The following DYNC1H1 variants were observed in gnomAD, a reference collection of about 807,000 sequenced individuals.
DYNC1H1 encodes dynein cytoplasmic 1 heavy chain 1.
Under a neutral mutation model 527.1 loss-of-function variants are expected in DYNC1H1, and 51 were observed. The ratio of observed to expected loss-of-function variants is 0.10; its 90% CI spans 0.08 to 0.12. The LOEUF (loss-of-function observed/expected upper bound fraction) is 0.12. Among genes scored for constraint, DYNC1H1 ranks in the 10% least tolerant of loss-of-function variants. DYNC1H1 has a pLI of 1.00. For missense variants in DYNC1H1, 2,771 were observed against 5,971.8 expected (o/e 0.46, Z 17.66); for synonymous variants, 2,189 against 2,278.8 (o/e 0.96, Z 1.12).
At chr14:102,034,722 G>C in intron 56 of DYNC1H1, 1 of 551,834 alleles carries the variant, frequency 1.8e-6, no homozygotes, top group South Asian at 2.0e-5. Context: ...TCAGGAGTTT[G>C]AGACCAGCCT....
At chr14:102,003,266 C>CTTTT (rs71468380) in intron 23 of DYNC1H1, among the ~76,000 whole-genome samples, 2 of 141,348 alleles carry the variant, frequency 1.4e-5, no homozygotes, top group Admixed American at 7.1e-5. Flanking sequence ...TGGCAGTTTT[C>CTTTT]TTTTTTTTTT....
At position 102,032,475 on chromosome 14, in the gene DYNC1H1, A is replaced by G. The variant is rs760281619; in HGVS notation, c.10079+8A>G. 6.2e-7 allele frequency: 1 copy of G among 1,614,064 alleles called. No individual in the cohort carries two copies. The highest frequency in any genetic ancestry group is 1.1e-5 in the South Asian group (1 of 91,090). On this transcript the variant is annotated splice_region_variant and intron_variant, in intron 52 of 77. Coordinates refer to ENST00000360184, the MANE Select transcript of DYNC1H1 (RefSeq NM_001376.5). ...CTCTGCAGAGGAGATCAGGTGAGAAAGTGGAAGTGCCAAGGTATTGCCAGA... is the reference window on the plus strand; with the variant it reads ...CTCTGCAGAGGAGATCAGGTGAGAAGGTGGAAGTGCCAAGGTATTGCCAGA...
At chr14:102,050,296 G>A (rs2048790144) in intron 77 of DYNC1H1, 98 bp downstream of exon 77, 16 of 1,610,564 alleles carry the variant, frequency 9.9e-6, no homozygotes, top group South Asian at 4.4e-5. Flanking sequence ...CACTTGGAAC[G>A]GGAAATGAGG....
Position 101,986,612 on chromosome 14 carries a change from A to C in DYNC1H1, c.2387A>C (p.Glu796Ala). ...RTYERTCEKV[E>A]ERNTISLLVA... Reference sequence around the variant, plus strand: ...TATGAACGGACCTGCGAGAAGGTGGAGGAGCGGAACACCATTTCCCTTTTG... The same window carrying C: ...TATGAACGGACCTGCGAGAAGGTGGCGGAGCGGAACACCATTTCCCTTTTG... Residue 796 changes from glutamate to alanine, a missense_variant, in exon 8 of 78, where the codon GAG becomes GCG. By Grantham distance (107) the Glu-to-Ala change is moderately radical (BLOSUM62 -1). This residue lies in a region of DYNC1H1 where 264 missense variants were observed against 619.4 expected (regional missense o/e 0.43). Transcript: ENST00000360184. This position sits in a 1 kb window ranked among gnomAD's most constrained non-coding sequence, Gnocchi z 8.7. 1 of 1,613,208 alleles carries C rather than the reference A, an allele frequency of 6.2e-7. No individual in the cohort carries two copies. Among genetic ancestry groups the C allele is most frequent in the Non-Finnish European group, 8.5e-7 (1 of 1,179,208 alleles).
chr14:102,046,568 C>T (rs936479590), intron 72 of DYNC1H1, among the ~76,000 whole-genome samples: 3 of 152,146 alleles, frequency 2.0e-5, no homozygotes, highest in Admixed American at 2.0e-4. Context: ...CCACAAGGCT[C>T]GGGGTAATCC....
intron 56 of DYNC1H1, chr14:102,035,124 G>C (rs2048558206): frequency 6.4e-6 from 1 of 155,050 alleles, no homozygotes; most frequent in Non-Finnish European, 1.4e-5. Flanking sequence ...CAGCTACTCA[G>C]GAGGCTGAGG....
chr14:102,020,358 A>G lies in DYNC1H1; in HGVS notation c.8507+302A>G, dbSNP rs540469144. 6.6e-6 allele frequency among the ~76,000 whole-genome samples: 1 copy of G among 152,218 alleles called. No homozygotes were observed. The highest frequency in any genetic ancestry group is 2.1e-4 in the South Asian group (1 of 4,826). Reference sequence around the variant, plus strand: ...ACTTTTTTTTTTAAAGATACATCATAGAAGTCAAAAAACGGGGCACTTTAA... The same window carrying G: ...ACTTTTTTTTTTAAAGATACATCATGGAAGTCAAAAAACGGGGCACTTTAA... On this transcript the variant is annotated intron_variant, in intron 42 of 77. Transcript: ENST00000360184. This position sits in a 1 kb window ranked among gnomAD's most constrained non-coding sequence, Gnocchi z 4.3.
intron 72 of DYNC1H1, 184 bp from the exon 73 acceptor site, chr14:102,047,633 G>GTA (rs2048739958): frequency 1.3e-5 from 5 of 398,174 alleles, no homozygotes; most frequent in East Asian, 1.0e-4. Context: ...GTGTGTGTGT[G>GTA]TGTGTGTGTA....
rs753183437 is a variant in DYNC1H1, at chr14:101,986,100, C to T, written c.1875C>T (p.Val625=). 2 of 1,614,226 alleles carry T rather than the reference C, an allele frequency of 1.2e-6. No homozygotes were observed. The highest frequency in any genetic ancestry group is 1.7e-5 in the Admixed American group (1 of 60,030). The change falls in exon 8 of 78, where the codon GTC becomes GTT. Residue 625 remains valine, a synonymous_variant. Coordinates refer to ENST00000360184, the MANE Select transcript of DYNC1H1 (RefSeq NM_001376.5). This position sits in a 1 kb window ranked among gnomAD's most constrained non-coding sequence, Gnocchi z 8.7. ...AGTCTCTTCACGACAAGTTCAAGGT[C>T]CAGTACCCACAGAGTCAGGCTTGTA... The part of the protein sequence containing the change: ...DIESLHDKFK[V]QYPQSQACKM...
Position 102,018,348 on chromosome 14 carries a change from G to T in DYNC1H1, c.8178-103G>T. 6.6e-7 allele frequency: 1 copy of T among 1,512,736 alleles called. No homozygotes were observed. The highest frequency in any genetic ancestry group is 1.2e-5 in the South Asian group (1 of 82,956). The allele number at this position is 1,512,736 out of a possible 1,614,324, so 93.7% of individuals were successfully genotyped here. ...AGTCTGCATAGCTGGGTTAGGAAGC[G>T]ACCTCCAGACAGGGCCCTGGACAGG... is the stretch of plus-strand genomic sequence containing the variant. On this transcript the variant is annotated intron_variant, in intron 40 of 77. Transcript: ENST00000360184. This position sits in a 1 kb window ranked among gnomAD's most constrained non-coding sequence, Gnocchi z 5.2.
Position 102,011,356 on chromosome 14 carries a change from G to A in DYNC1H1, c.6618+404G>A, listed in dbSNP as rs1251504937. 8.4e-6 allele frequency: 3 copies of A among 355,218 alleles called. No individual in the cohort carries two copies. Among genetic ancestry groups the A allele is most frequent in the African/African-American group, 6.4e-5 (3 of 46,840 alleles). The allele number at this position is 355,218 out of a possible 1,614,324, so 22.0% of individuals were successfully genotyped here. A position where few individuals can be genotyped will look rare whatever the true frequency, so the allele number is the denominator to read the frequency against. On this transcript the variant is annotated intron_variant, in intron 32 of 77. Transcript: ENST00000360184. The surrounding 1 kb of genome is among the most constrained non-coding windows in gnomAD (Gnocchi z 5.3). Reference sequence around the variant, plus strand: ...TGATTCATTTAAGAAAAAGTTTATTGTTTACACAAGCTGTGTGTGTTTGGC... The same window carrying A: ...TGATTCATTTAAGAAAAAGTTTATTATTTACACAAGCTGTGTGTGTTTGGC...
intron 72 of DYNC1H1, among the ~76,000 whole-genome samples, chr14:102,045,470 G>A (rs2048705716): frequency 6.6e-6 from 1 of 151,890 alleles, no homozygotes; most frequent in African/African-American, 2.4e-5. Context: ...AACTAGCCAG[G>A]TGTGGTGGTG....
intron 5 of DYNC1H1, among the ~76,000 whole-genome samples, chr14:101,982,444 T>C (rs1425662549): frequency 6.6e-6 from 1 of 151,762 alleles, no homozygotes; most frequent in African/African-American, 2.4e-5. Context: ...TACAAAAAAT[T>C]AGCCGGGCGT....
chr14:102,014,969 C>A, intron 34 of DYNC1H1, 136 bp from the exon 35 acceptor site: 1 of 983,858 alleles, frequency 1.0e-6, no homozygotes, highest in East Asian at 2.6e-5. Context: ...GCACACGCCA[C>A]CATGCCTGGC....
In DYNC1H1 at chr14:102,044,739, G is replaced by A. The variant is rs17541595; in HGVS notation, c.13006+41G>A. 38 of 1,397,100 alleles carry A rather than the reference G, an allele frequency of 2.7e-5. No individual in the cohort carries two copies. The highest frequency in any genetic ancestry group is 1.2e-4 in the South Asian group (9 of 74,542). The allele number at this position is 1,397,100 out of a possible 1,614,324, so 86.5% of individuals were successfully genotyped here. A position where few individuals can be genotyped will look rare whatever the true frequency, so the allele number is the denominator to read the frequency against. On this transcript the variant is annotated intron_variant, in intron 72 of 77. Coordinates refer to ENST00000360184, the MANE Select transcript of DYNC1H1 (RefSeq NM_001376.5). This position sits in a 1 kb window ranked among gnomAD's most constrained non-coding sequence, Gnocchi z 7.1. ...CCTCCCCACACGCAGGGTGGGTGGC[G>A]AGGGTCCCCTCACGCGGGGTGGGTG...
Position 101,979,913 on chromosome 14 carries a change from A to G in DYNC1H1, c.713A>G (p.Asp238Gly). The part of the protein sequence containing the change: ...KVTDFGDKVE[D>G]PTFLNQLQSG... ...ACAGACTTTGGTGATAAGGTTGAAG[A>G]CCCAACATTTCTTAATCAGTTACAA... The change falls in exon 4 of 78, where the codon GAC becomes GGC. Residue 238 changes from aspartate (D) to glycine (G), a missense_variant. Physicochemically the swap from Asp to Gly is moderately conservative, Grantham distance 94. Transcript: ENST00000360184. This position sits in a 1 kb window ranked among gnomAD's most constrained non-coding sequence, Gnocchi z 4.6. The G allele has an allele frequency of 1.2e-6, 2 of 1,614,224 alleles. No homozygotes were observed. The highest frequency in any genetic ancestry group is 1.7e-6 in the Non-Finnish European group (2 of 1,180,038).
rs1279364272 is a variant in DYNC1H1 at position 101,979,186 on chromosome 14, A to G, written c.345-133A>G. On this transcript the variant is annotated intron_variant, in intron 2 of 77. Coordinates refer to ENST00000360184, the MANE Select transcript of DYNC1H1 (RefSeq NM_001376.5). The surrounding 1 kb of genome is among the most constrained non-coding windows in gnomAD (Gnocchi z 4.6). ...AACCTTGATTCAGTAGCTCTCATGTACTAAAGAAAGACAAGCAGTGCATTT... is the reference window on the plus strand; with the variant it reads ...AACCTTGATTCAGTAGCTCTCATGTGCTAAAGAAAGACAAGCAGTGCATTT... 1 of 865,732 alleles carries G rather than the reference A, an allele frequency of 1.2e-6. No individual in the cohort carries two copies. The highest frequency in any genetic ancestry group is 2.6e-5 in the East Asian group (1 of 37,850). 53.6% of individuals were successfully genotyped at this position (865,732 alleles called of 1,614,324 possible).
In DYNC1H1 at chr14:102,016,587, T is replaced by A. The variant is rs2048325356; in HGVS notation, c.7614+98T>A. ...CATGGACCTTGGCTTCGTCTTTTCA[T>A]TTTATTCCATTTCATAGAAGGACTT... On this transcript the variant is annotated intron_variant, in intron 37 of 77. Transcript: ENST00000360184. The surrounding 1 kb of genome is among the most constrained non-coding windows in gnomAD (Gnocchi z 7.3). 2 of 1,604,064 alleles carry A rather than the reference T, an allele frequency of 1.2e-6. No individual in the cohort carries two copies. Among genetic ancestry groups the A allele is most frequent in the Admixed American group, 3.3e-5 (2 of 59,774 alleles).
Position 101,997,227 on chromosome 14 carries a change from C to G in DYNC1H1, c.3757C>G (p.Arg1253Gly). ...IVQEDRAVES[R>G]TTDLLTDWEK... is the part of the protein sequence containing the mutation. Reference sequence around the variant, plus strand: ...CCAGGAGGATCGGGCCGTGGAAAGCCGCACCACCGACCTGCTGACTGACTG... The same window carrying G: ...CCAGGAGGATCGGGCCGTGGAAAGCGGCACCACCGACCTGCTGACTGACTG... Residue 1253 changes from arginine (R) to glycine (G), a missense_variant, in exon 16 of 78, where the codon CGC becomes GGC. By Grantham distance (125) the Arg-to-Gly change is moderately radical. Around this residue, in one of 32 missense-constraint regions of DYNC1H1, gnomAD observed 223 missense variants for 462.5 expected, o/e 0.48. Coordinates refer to ENST00000360184, the MANE Select transcript of DYNC1H1 (RefSeq NM_001376.5). The surrounding 1 kb of genome is among the most constrained non-coding windows in gnomAD (Gnocchi z 4.8). 1 of 1,614,008 alleles carries G rather than the reference C, an allele frequency of 6.2e-7. No homozygotes were observed. The highest frequency in any genetic ancestry group is 8.5e-7 in the Non-Finnish European group (1 of 1,180,012).
Sources: allele counts gnomAD v4.1 joint callset (sites outside exome capture counted in the v4.1 genomes callset), GRCh38; gene constraint gnomAD v4.1.1; regional missense constraint gnomAD v4.1.1; non-coding constraint Gnocchi (gnomAD v3.1); transcripts MANE v1.5; gene names NCBI Gene and HGNC (gene_info 2026-07-23, HGNC 2026-07-21).